BRSK2: variants seen among roughly 807,000 people sequenced by gnomAD.
BRSK2 encodes serine/threonine-protein kinase BRSK2.
BRSK2 carries 19 observed loss-of-function variants against 83.3 expected under a neutral mutation model. The ratio of observed to expected loss-of-function variants is 0.23; its 90% confidence interval spans 0.16 to 0.33. The LOEUF (loss-of-function observed/expected upper bound fraction) is 0.33, where lower values mean the gene tolerates loss of function less well. Among genes scored for constraint, BRSK2 ranks in the 10% least tolerant of loss-of-function variants. The pLI, the probability that BRSK2 is intolerant of heterozygous loss-of-function variation, is 1.00. For missense variants in BRSK2, 798 were observed against 1,042.3 expected, an observed-to-expected ratio of 0.77 and a Z score of 3.23; for synonymous variants, 519 against 435.4, an observed-to-expected ratio of 1.19 and a Z score of -2.39.
intron 1 of BRSK2, chr11:1,410,678 G>A (rs909473230): frequency 9.4e-5 from 93 of 985,322 alleles, no homozygotes; most frequent in Non-Finnish European, 1.0e-4. Context: ...AGTCAGCACT[G>A]CCTGACGCCC....
intron 1 of BRSK2, among the ~76,000 whole-genome samples, chr11:1,418,283 G>A (rs1349763045): frequency 1.4e-5 from 2 of 147,330 alleles, no homozygotes; most frequent in African/African-American, 5.1e-5. Context: ...TTGAGAGTGG[G>A]TCACCTGTGT....
chr11:1,404,583 G>A (rs1291482837), intron 1 of BRSK2, among the ~76,000 whole-genome samples: 1 of 152,216 alleles, frequency 6.6e-6, no homozygotes, highest in East Asian at 1.9e-4. Context: ...CCAGCCTTGG[G>A]AGGGCAGAGG....
At chr11:1,442,128 C>T (rs1394881991) in intron 4 of BRSK2, among the ~76,000 whole-genome samples, 1 of 151,394 alleles carries the variant, frequency 6.6e-6, no homozygotes, top group Non-Finnish European at 1.5e-5. Context: ...CACCCAAGCA[C>T]TCTGGGAGCC....
rs150248768 is a variant in BRSK2 at position 1,439,145 on chromosome 11, A to G, written c.272+754A>G. ...CCTAGCCGGGCATCTCTGAGGCATCAGGCTCTGAGGGAGCAGGGAACATAC... is the reference window on the plus strand; with the variant it reads ...CCTAGCCGGGCATCTCTGAGGCATCGGGCTCTGAGGGAGCAGGGAACATAC... On this transcript the variant is annotated intron_variant, in intron 3 of 19. Coordinates refer to ENST00000528841, the MANE Select transcript of BRSK2 (RefSeq NM_001256627.2). Among the ~76,000 whole-genome samples, 732 of 152,310 alleles carry G rather than the reference A, an allele frequency of 4.8e-3. 27 individuals carry two copies. Among genetic ancestry groups the G allele is most frequent in the Admixed American group, 0.038 (579 of 15,300 alleles).
intron 1 of BRSK2, among the ~76,000 whole-genome samples, chr11:1,411,813 C>T (rs890643980): frequency 2.0e-5 from 3 of 152,278 alleles, no homozygotes; most frequent in Non-Finnish European, 4.4e-5. Flanking sequence ...TGTGGAGAGG[C>T]GCCTGCCCCT....
At chr11:1,441,104 C>T (rs1386483244) in intron 4 of BRSK2, among the ~76,000 whole-genome samples, 176 bp downstream of exon 4, 4 of 145,350 alleles carry the variant, frequency 2.8e-5, no homozygotes, top group Admixed American at 6.8e-5. Context: ...ATTAGCTGCC[C>T]CTCAAGTGCA....
At chr11:1,433,569 G>T (rs1849873090) in intron 1 of BRSK2, among the ~76,000 whole-genome samples, 1 of 152,272 alleles carries the variant, frequency 6.6e-6, no homozygotes, top group Non-Finnish European at 1.5e-5. Flanking sequence ...GGGGGACATT[G>T]AGCTCTTGCT....
chr11:1,394,488 A>C (rs1156966937), intron 1 of BRSK2, among the ~76,000 whole-genome samples: 2 of 49,542 alleles, frequency 4.0e-5, no homozygotes, highest in Non-Finnish European at 7.8e-5. Context: ...GAGATGGGCC[A>C]TGGAGATGGG....
intron 8 of BRSK2, among the ~76,000 whole-genome samples, chr11:1,444,668 G>A (rs745376384): frequency 1.5e-4 from 17 of 112,826 alleles, no homozygotes; most frequent in East Asian, 7.6e-4. Flanking sequence ...CTCTCCCTCC[G>A]CTCCCCAGGC....
chr11:1,435,699 A>G (rs1220491346), intron 1 of BRSK2, among the ~76,000 whole-genome samples: 1 of 150,632 alleles, frequency 6.6e-6, no homozygotes, highest in Non-Finnish European at 1.5e-5. Flanking sequence ...TGGGCCAGGC[A>G]GGCACCTCGA....
intron 1 of BRSK2, chr11:1,411,656 G>A (rs1262804667): frequency 1.3e-6 from 2 of 1,534,588 alleles, no homozygotes; most frequent in Non-Finnish European, 8.7e-7. Context: ...CTCCCTGGCT[G>A]GCCAGGGCCC....
chr11:1,450,325 G>A (rs935738357), intron 13 of BRSK2, among the ~76,000 whole-genome samples: 8 of 152,066 alleles, frequency 5.3e-5, no homozygotes, highest in Non-Finnish European at 1.2e-4. Flanking sequence ...GCGCCTCGAG[G>A]CCTGGACACG....
At chr11:1,439,354 G>A (rs1269721381) in intron 3 of BRSK2, among the ~76,000 whole-genome samples, 4 of 152,144 alleles carry the variant, frequency 2.6e-5, no homozygotes, top group African/African-American at 7.2e-5. Flanking sequence ...GGGTTGGGGT[G>A]TGGGGAGCCC....
intron 9 of BRSK2, 51 bp from the exon 10 acceptor site, chr11:1,445,243 G>A (rs370795950): frequency 2.2e-4 from 347 of 1,558,428 alleles, no homozygotes; most frequent in Non-Finnish European, 5.8e-5. Context: ...CCTCGCAGCC[G>A]CCCAGGCCCG....
At chr11:1,442,638 G>A (rs773811659) in intron 5 of BRSK2, 32 bp downstream of exon 5, 15 of 1,550,470 alleles carry the variant, frequency 9.7e-6, no homozygotes, top group Non-Finnish European at 1.3e-5. Flanking sequence ...AGAGAGGCTG[G>A]GGGACAGGCT....
chr11:1,428,629 TCA>T (rs1294874381), intron 1 of BRSK2, among the ~76,000 whole-genome samples: 1 of 152,226 alleles, frequency 6.6e-6, no homozygotes, highest in Non-Finnish European at 1.5e-5. Flanking sequence ...CCTCCCATTT[TCA>T]GTCCCCACTT....
chr11:1,434,352 G>A (rs971216215), intron 1 of BRSK2, among the ~76,000 whole-genome samples: 47 of 151,150 alleles, frequency 3.1e-4, no homozygotes, highest in Admixed American at 2.6e-3. Flanking sequence ...CCGGCTCTGC[G>A]TGTCTGGGGG....
chr11:1,460,710 G>A lies in BRSK2; in HGVS notation c.2198G>A (p.Arg733His), dbSNP rs1387401134. The stretch of plus-strand genomic sequence containing the variant: ...AAGATGGGCCCGCCCACCGCCCGCC[G>A]CGAGCAGCCTTAGACACACTAGCCC... ...TAKMGPPTARREQP is the reference protein window; with the variant it reads ...TAKMGPPTARHEQP The change falls in exon 20 of 20, where the codon CGC becomes CAC. Residue 733 changes from arginine (R) to histidine (H), a missense_variant. Around this residue, in one of 6 missense-constraint regions of BRSK2, gnomAD observed 455 missense variants for 455.2 expected, o/e 1.00. Coordinates refer to ENST00000528841, the MANE Select transcript of BRSK2 (RefSeq NM_001256627.2). 1.9e-5 allele frequency: 28 copies of A among 1,451,458 alleles called. No individual in the cohort carries two copies. The highest frequency in any genetic ancestry group is 2.4e-4 in the Middle Eastern group (1 of 4,138). 89.9% of individuals were successfully genotyped at this position (1,451,458 alleles called of 1,614,324 possible).
Position 1,460,460 on chromosome 11 carries a change from C to CTTTTTTTTTTTTTTTTTTTTTTT in BRSK2, c.1988-40_1988-39insTTTTTTTTTTTTTTTTTTTTTTT. ...TCTCTCCCCCTTTTTTTTCTTTTTT[C>CTTTTTTTTTTTTTTTTTTTTTTT]CTTTTTTTTTTTTTTTTTGTCTCTG... On this transcript the variant is annotated intron_variant, in intron 19 of 19. Coordinates refer to ENST00000528841, the MANE Select transcript of BRSK2 (RefSeq NM_001256627.2). 2 of 1,121,194 alleles carry CTTTTTTTTTTTTTTTTTTTTTTT rather than the reference C, an allele frequency of 1.8e-6. 1 individual carries two copies. The allele number at this position is 1,121,194 out of a possible 1,614,324, so 69.5% of individuals were successfully genotyped here. A position where few individuals can be genotyped will look rare whatever the true frequency, so the allele number is the denominator to read the frequency against.
Sources: gnomAD v4.1 joint callset for allele counts (sites outside exome capture counted in the v4.1 genomes callset) on GRCh38, gnomAD v4.1.1 for gene constraint, gnomAD v4.1.1 regional missense constraint, MANE v1.5 for transcripts, NCBI Gene and HGNC (gene_info 2026-07-23, HGNC 2026-07-21) for gene names.